Variants in DENR observed in about 807,000 individuals in gnomAD.
DENR encodes the protein density-regulated protein.
DENR carries 6 observed loss-of-function variants against 30.6 expected under a neutral mutation model. The observed-to-expected ratio is 0.20, with a 90% CI of 0.11 to 0.39. The LOEUF (loss-of-function observed/expected upper bound fraction) is 0.39, where lower values mean the gene tolerates loss of function less well. DENR is among the 10% of genes least tolerant of loss of function. The pLI is 1.00. For synonymous variants in DENR, 78 were observed against 72.1 expected (o/e 1.08, Z -0.41); for missense variants, 141 against 230.9 (o/e 0.61, Z 2.52).
chr12:122,768,954 T>C (rs374643112), intron 7 of DENR, 33 bp downstream of exon 7: 17 of 1,603,948 alleles, frequency 1.1e-5, no homozygotes, highest in Non-Finnish European at 1.4e-5. Flanking sequence ...TCGCTAGAGA[T>C]AAGTTTTTAA....
intron 4 of DENR, among the ~76,000 whole-genome samples, chr12:122,763,792 G>T (rs1295237998): frequency 3.3e-5 from 5 of 152,210 alleles, no homozygotes; most frequent in Admixed American, 6.5e-5. Context: ...CACTGTTGCA[G>T]ATTCTGAGGA....
At chr12:122,755,768 A>C (rs1446622828) in intron 2 of DENR, among the ~76,000 whole-genome samples, 1 of 152,236 alleles carries the variant, frequency 6.6e-6, no homozygotes, top group Non-Finnish European at 1.5e-5. Flanking sequence ...GTGAACTAGG[A>C]CTAAAGTGGA....
At chr12:122,766,421 T>A (rs1878851631) in intron 5 of DENR, among the ~76,000 whole-genome samples, 1 of 152,202 alleles carries the variant, frequency 6.6e-6, no homozygotes, top group Non-Finnish European at 1.5e-5. Context: ...TAGGCCCACT[T>A]ACTTCTCATT....
chr12:122,756,804 A>T (rs1279952109), intron 2 of DENR, among the ~76,000 whole-genome samples: 1 of 152,238 alleles, frequency 6.6e-6, no homozygotes, highest in Non-Finnish European at 1.5e-5. Context: ...TAAGTCATTG[A>T]AAGTTTTGGA....
At chr12:122,759,671 A>T (rs1056103832) in intron 2 of DENR, among the ~76,000 whole-genome samples, 2 of 151,954 alleles carry the variant, frequency 1.3e-5, no homozygotes, top group Non-Finnish European at 2.9e-5. Context: ...CAGCCAGCTG[A>T]GATGGTGCCA....
chr12:122,770,567 AC>A lies in DENR; in HGVS notation c.*1490del. On this transcript the variant is annotated 3_prime_UTR_variant, in exon 8 of 8. Transcript: ENST00000280557. ...TATAGTCCTGGAAATAGCAATTGAA[AC>A]ATGTCTTCTCACAAGAGAAAATGAC... 2.5e-6 allele frequency: 1 copy of A among 398,422 alleles called. No homozygotes were observed. The highest frequency in any genetic ancestry group is 6.3e-4 in the Middle Eastern group (1 of 1,584). 24.7% of individuals were successfully genotyped at this position (398,422 alleles called of 1,614,324 possible).
chr12:122,755,608 G>T (rs1878530380), intron 2 of DENR, among the ~76,000 whole-genome samples: 1 of 152,160 alleles, frequency 6.6e-6, no homozygotes, highest in Non-Finnish European at 1.5e-5. Context: ...AAGGATGTGA[G>T]AAAAACTGAT....
At chr12:122,767,322 A>G (rs760091820) in intron 5 of DENR, among the ~76,000 whole-genome samples, 166 bp from the exon 6 acceptor site, 1 of 152,254 alleles carries the variant, frequency 6.6e-6, no homozygotes, top group African/African-American at 2.4e-5. Flanking sequence ...TGCTAGGCAC[A>G]TAGTAGGTAC....
rs1189176138 is a variant in DENR, at chr12:122,768,863, T to C, written c.494T>C (p.Ile165Thr). 6.2e-7 allele frequency: 1 copy of C among 1,612,680 alleles called. No homozygotes were observed. Among genetic ancestry groups the C allele is most frequent in the African/African-American group, 1.3e-5 (1 of 74,866 alleles). The change falls in exon 7 of 8, where the codon ATC (isoleucine) becomes ACC (threonine). Residue 165 changes from isoleucine to threonine, a missense_variant. By Grantham distance (89) the Ile-to-Thr change is moderately conservative (BLOSUM62 -1). Around this residue, in one of 2 missense-constraint regions of DENR, gnomAD observed 37 missense variants for 92.6 expected, o/e 0.40. Transcript: ENST00000280557. The stretch of plus-strand genomic sequence containing the variant: ...TCAGTAACAGGGGAGGATGAAATTA[T>C]CATTCAGGGAGATTTTACAGATGAC... ...GASVTGEDEI[I>T]IQGDFTDDII...
chr12:122,757,741 G>A (rs1181948005), intron 2 of DENR, among the ~76,000 whole-genome samples: 2 of 152,194 alleles, frequency 1.3e-5, no homozygotes, highest in South Asian at 2.1e-4. Flanking sequence ...GGAGAAGTAC[G>A]ATAAGATGTT....
chr12:122,758,140 C>T (rs1231050618), intron 2 of DENR, among the ~76,000 whole-genome samples: 1 of 152,110 alleles, frequency 6.6e-6, no homozygotes, highest in African/African-American at 2.4e-5. Context: ...GGCGTGATCT[C>T]GGCTCACTGC....
chr12:122,753,125 C>T (rs1339967627), intron 1 of DENR, among the ~76,000 whole-genome samples, 175 bp downstream of exon 1: 3 of 152,314 alleles, frequency 2.0e-5, no homozygotes, highest in Admixed American at 1.3e-4. Context: ...TCGCCCTTGT[C>T]CCCTCAGTGC....
Position 122,770,620 on chromosome 12 carries a change from T to G in DENR, c.*1542T>G, listed in dbSNP as rs1879010784. On this transcript the variant is annotated 3_prime_UTR_variant, in exon 8 of 8. Transcript: ENST00000280557. Reference sequence around the variant, plus strand: ...GTTTTAATGATGTATTTGATGAATTTAAACTTTAAGTCAGGTGCTGCAAAT... The same window carrying G: ...GTTTTAATGATGTATTTGATGAATTGAAACTTTAAGTCAGGTGCTGCAAAT... The G allele has an allele frequency of 2.5e-6, 1 of 398,426 alleles. No homozygotes were observed. The highest frequency in any genetic ancestry group is 1.3e-4 in the South Asian group (1 of 7,860). 24.7% of individuals were successfully genotyped at this position (398,426 alleles called of 1,614,324 possible).
intron 5 of DENR, 115 bp downstream of exon 5, chr12:122,765,502 A>T (rs934092624): frequency 1.2e-6 from 1 of 866,290 alleles, no homozygotes; most frequent in East Asian, 2.7e-5. Context: ...CTATAGTCAC[A>T]GCTTCTTAGG....
At position 122,770,022 on chromosome 12, in the gene DENR, GTGT is replaced by G. The variant is rs1014592961; in HGVS notation, c.*949_*951del. On this transcript the variant is annotated 3_prime_UTR_variant, in exon 8 of 8. Coordinates refer to ENST00000280557, the MANE Select transcript of DENR (RefSeq NM_003677.5). ...TAATAGATCTGTGGTTGAATTTGCTGTGTTGTTATGAAGTCCACCCTGTGGGCA... is the reference window on the plus strand; with the variant it reads ...TAATAGATCTGTGGTTGAATTTGCTGTGTTATGAAGTCCACCCTGTGGGCA... The G allele has an allele frequency of 3.3e-5, 5 of 152,596 alleles. No homozygotes were observed. Among genetic ancestry groups the G allele is most frequent in the African/African-American group, 7.2e-5 (3 of 41,436 alleles). 9.5% of individuals were successfully genotyped at this position (152,596 alleles called of 1,614,324 possible).
intron 2 of DENR, among the ~76,000 whole-genome samples, chr12:122,757,935 T>C (rs1288938632): frequency 6.6e-6 from 1 of 152,202 alleles, no homozygotes; most frequent in Non-Finnish European, 1.5e-5. Flanking sequence ...CTTTAAAGTA[T>C]GAGATGATTG....
At position 122,769,595 on chromosome 12, in the gene DENR, CT is replaced by C; in HGVS notation, c.*518del. On this transcript the variant is annotated 3_prime_UTR_variant, in exon 8 of 8. Coordinates refer to ENST00000280557, the MANE Select transcript of DENR (RefSeq NM_003677.5). ...GATCTCGGCTCACTGCAACCTCCGCCTCCCGGGTTCAAGTGATTCTCCTGCC... is the reference window on the plus strand; with the variant it reads ...GATCTCGGCTCACTGCAACCTCCGCCCCCGGGTTCAAGTGATTCTCCTGCC... 1 of 522,828 alleles carries C rather than the reference CT, an allele frequency of 1.9e-6. No individual in the cohort carries two copies. Among genetic ancestry groups the C allele is most frequent in the South Asian group, 4.7e-5 (1 of 21,320 alleles). 32.4% of individuals were successfully genotyped at this position (522,828 alleles called of 1,614,324 possible).
chr12:122,767,380 T>C (rs1004901894), intron 5 of DENR, 108 bp from the exon 6 acceptor site: 20 of 696,390 alleles, frequency 2.9e-5, no homozygotes, highest in African/African-American at 5.5e-5. Context: ...TAGTAATTTT[T>C]GTATTAGAGA....
chr12:122,769,513 TC>T lies in DENR; in HGVS notation c.*436del, dbSNP rs1419521497. On this transcript the variant is annotated 3_prime_UTR_variant, in exon 8 of 8. Coordinates refer to ENST00000280557, the MANE Select transcript of DENR (RefSeq NM_003677.5). ...CTGACTTTCTCTCTCTCTCTCTCTC[TC>T]TTTTTTTTTTTTGACAGAGTCTCGC... is the stretch of plus-strand genomic sequence containing the variant. The T allele has an allele frequency of 5.9e-4, 507 of 863,098 alleles. No individual in the cohort carries two copies. The African/African-American group carries it at 9.4e-3, about 16-fold the overall frequency. 53.5% of individuals were successfully genotyped at this position (863,098 alleles called of 1,614,324 possible). A position where few individuals can be genotyped will look rare whatever the true frequency, so the allele number is the denominator to read the frequency against.
Sources: allele counts gnomAD v4.1 joint callset (sites outside exome capture counted in the v4.1 genomes callset), GRCh38; gene constraint gnomAD v4.1.1; regional missense constraint gnomAD v4.1.1; transcripts MANE v1.5; gene names NCBI Gene and HGNC (gene_info 2026-07-23, HGNC 2026-07-21).